Variants in UGT1A7 observed in about 807,000 individuals in gnomAD.
UGT1A7 encodes UDP glucuronosyltransferase family 1 member A7, also known as UDP-glucuronosyltransferase 1A7.
In UGT1A7, 33 loss-of-function variants were observed where a neutral mutation model predicts 45.6. That is an observed-to-expected ratio of 0.72 (90% CI 0.55 to 0.97). The LOEUF is 0.97. Among genes scored for constraint, UGT1A7 ranks in the 50% least tolerant of loss-of-function variants. The probability of loss-of-function intolerance (pLI) is 0.00; values close to 1 mark genes in which losing one functional copy is unlikely to be tolerated. For synonymous variants in UGT1A7, 274 were observed against 250.6 expected (o/e 1.09, Z -0.88); for missense variants, 684 against 666.2 (o/e 1.03, Z -0.29).
chr2:233,741,106 A>T (rs1691567607), intron 1 of UGT1A7, among the ~76,000 whole-genome samples: 2 of 151,792 alleles, frequency 1.3e-5, no homozygotes. Context: ...CAGACAATCA[A>T]GCTTTACACT....
At chr2:233,701,614 C>A (rs1194546253) in intron 1 of UGT1A7, among the ~76,000 whole-genome samples, 1 of 152,080 alleles carries the variant, frequency 6.6e-6, no homozygotes, top group Non-Finnish European at 1.5e-5. Context: ...CCTCAGCAAA[C>A]GTAAAAGAAC....
intron 1 of UGT1A7, among the ~76,000 whole-genome samples, chr2:233,724,578 C>T (rs1404328313): frequency 0.029 from 3,589 of 123,690 alleles, 110 homozygotes; most frequent in African/African-American, 0.043. Context: ...GGGGCAGAGG[C>T]GCTCCCCACA....
At chr2:233,741,101 A>C (rs559824040) in intron 1 of UGT1A7, among the ~76,000 whole-genome samples, 9 of 151,948 alleles carry the variant, frequency 5.9e-5, no homozygotes, top group Non-Finnish European at 8.8e-5. Context: ...GCAAACAGAC[A>C]ATCAAGCTTT....
chr2:233,697,681 T>C (rs990981606), intron 1 of UGT1A7, among the ~76,000 whole-genome samples: 1 of 152,138 alleles, frequency 6.6e-6, no homozygotes, highest in African/African-American at 2.4e-5. Context: ...ATTCAAAATA[T>C]TTCTGCTTTT....
At chr2:233,749,022 T>C (rs1694084845) in intron 1 of UGT1A7, among the ~76,000 whole-genome samples, 1 of 151,722 alleles carries the variant, frequency 6.6e-6, no homozygotes, top group African/African-American at 2.4e-5. Flanking sequence ...ATCCAGAATA[T>C]TTGGGGTTCA....
intron 1 of UGT1A7, chr2:233,747,762 G>A: frequency 1.2e-6 from 2 of 1,613,366 alleles, no homozygotes; most frequent in South Asian, 2.2e-5. Context: ...AGACTTTAAG[G>A]GCACACAGTG....
At chr2:233,751,162 T>C (rs1694655523) in intron 1 of UGT1A7, among the ~76,000 whole-genome samples, 1 of 151,980 alleles carries the variant, frequency 6.6e-6, no homozygotes, top group South Asian at 2.1e-4. Flanking sequence ...GGCATCAGCA[T>C]GACCTAGATA....
chr2:233,706,131 A>G (rs1421239326), intron 1 of UGT1A7, among the ~76,000 whole-genome samples: 3 of 152,176 alleles, frequency 2.0e-5, no homozygotes, highest in Non-Finnish European at 4.4e-5. Context: ...CTGACAGCAA[A>G]GTATTAAACA....
intron 1 of UGT1A7, among the ~76,000 whole-genome samples, chr2:233,704,963 C>T (rs2075815360): frequency 6.6e-6 from 1 of 152,064 alleles, no homozygotes; most frequent in South Asian, 2.1e-4. Flanking sequence ...TGGTGAAACC[C>T]CATCTCTACT....
At chr2:233,741,446 CAGTG>C (rs1388534811) in intron 1 of UGT1A7, 2 of 149,546 alleles carry the variant, frequency 1.3e-5, no homozygotes, top group African/African-American at 2.6e-5. Flanking sequence ...GCAAACTACT[CAGTG>C]AGTATCTTCA....
At chr2:233,693,021 G>A (rs115279280) in intron 1 of UGT1A7, 78 of 1,614,090 alleles carry the variant, frequency 4.8e-5, no homozygotes, top group Middle Eastern at 1.7e-4. Flanking sequence ...TGCCTCCTTC[G>A]CTCATTTCAG....
chr2:233,754,088 A>G (rs1438865323), intron 1 of UGT1A7, among the ~76,000 whole-genome samples: 2 of 152,224 alleles, frequency 1.3e-5, no homozygotes, highest in Non-Finnish European at 2.9e-5. Context: ...TTTTATCTAA[A>G]TAATGGTCAA....
chr2:233,685,092 A>G (rs543205229), intron 1 of UGT1A7, among the ~76,000 whole-genome samples: 21 of 152,302 alleles, frequency 1.4e-4, no homozygotes, highest in Admixed American at 2.6e-4. Context: ...AAGGTTTCCT[A>G]TAACAAAATC....
intron 1 of UGT1A7, chr2:233,729,128 T>C (rs765683446): frequency 2.4e-5 from 38 of 1,613,072 alleles, no homozygotes; most frequent in Non-Finnish European, 3.1e-5. Context: ...TCTGCTGAGA[T>C]GGCCACAGGA....
chr2:233,687,732 G>C (rs1405832632), intron 1 of UGT1A7, among the ~76,000 whole-genome samples: 1 of 151,936 alleles, frequency 6.6e-6, no homozygotes, highest in Non-Finnish European at 1.5e-5. Context: ...GGGAGACACT[G>C]TCTCTACAAA....
chr2:233,724,170 C>A (rs1159618034), intron 1 of UGT1A7, among the ~76,000 whole-genome samples: 1 of 122,814 alleles, frequency 8.1e-6, no homozygotes, highest in African/African-American at 3.5e-5. Context: ...GCTGACCCCC[C>A]CATCTCCCTC....
chr2:233,753,563 T>C (rs1178575284), intron 1 of UGT1A7: 3 of 152,234 alleles, frequency 2.0e-5, no homozygotes, highest in Non-Finnish European at 2.9e-5. Flanking sequence ...CCCTAGAAGA[T>C]GGGACCCTTT....
At chr2:233,701,237 T>C (rs968886679) in intron 1 of UGT1A7, among the ~76,000 whole-genome samples, 1 of 152,184 alleles carries the variant, frequency 6.6e-6, no homozygotes, top group Admixed American at 6.5e-5. Context: ...ATATACCCAG[T>C]AATGAGATGG....
At chr2:233,746,498 T>C (rs4663968) in intron 1 of UGT1A7, among the ~76,000 whole-genome samples, 12,171 of 151,768 alleles carry the variant, frequency 0.08, 741 homozygotes, top group East Asian at 0.2. Flanking sequence ...TGTCACTCTT[T>C]AGTAGCCCCC....
Sources: allele counts gnomAD v4.1 joint callset (sites outside exome capture counted in the v4.1 genomes callset), GRCh38; gene constraint gnomAD v4.1.1; transcripts MANE v1.5; gene names NCBI Gene and HGNC (gene_info 2026-07-23, HGNC 2026-07-21).